Variants in NRXN3 observed in about 807,000 individuals in gnomAD.
NRXN3 encodes neurexin III.
In NRXN3, 32 loss-of-function variants were observed where a neutral mutation model predicts 137.6. That is an observed-to-expected ratio of 0.23 (90% confidence interval 0.18 to 0.31). The LOEUF (loss-of-function observed/expected upper bound fraction) is 0.31, where lower values mean the gene tolerates loss of function less well. Ranked by LOEUF, NRXN3 falls within the 10% of genes least tolerant of loss-of-function variation. The pLI, the probability that NRXN3 is intolerant of heterozygous loss-of-function variation, is 1.00. For synonymous variants in NRXN3, 798 were observed against 784.5 expected (o/e 1.02, Z -0.29); for missense variants, 1,574 against 2,062.5 (o/e 0.76, Z 4.59).
intron 10 of NRXN3, among the ~76,000 whole-genome samples, chr14:78,945,879 G>A (rs2099364169): frequency 6.6e-6 from 1 of 152,224 alleles, no homozygotes; most frequent in African/African-American, 2.4e-5. Context: ...GTGGCCAAGG[G>A]AAGAGAGCTA....
chr14:78,735,980 G>C (rs1047742133), intron 8 of NRXN3, among the ~76,000 whole-genome samples: 1 of 152,050 alleles, frequency 6.6e-6, no homozygotes, highest in Non-Finnish European at 1.5e-5. Context: ...TCCTTTATAT[G>C]GCCGTTTCCT....
At chr14:78,367,461 C>T (rs973107383) in intron 4 of NRXN3, among the ~76,000 whole-genome samples, 1 of 152,142 alleles carries the variant, frequency 6.6e-6, no homozygotes. Flanking sequence ...TGATAGTGAC[C>T]TTATTCTCAT....
At chr14:78,628,760 G>A (rs532349205) in intron 4 of NRXN3, among the ~76,000 whole-genome samples, 39 of 152,286 alleles carry the variant, frequency 2.6e-4, no homozygotes, top group African/African-American at 9.4e-4. Context: ...TGTCACCTTG[G>A]GAGAACCCTC....
intron 15 of NRXN3, among the ~76,000 whole-genome samples, chr14:79,041,090 AT>A (rs1399228961): frequency 1.3e-5 from 2 of 152,158 alleles, no homozygotes; most frequent in African/African-American, 4.8e-5. Flanking sequence ...AACAGTAAAA[AT>A]ACCTGAGTTC....
intron 15 of NRXN3, among the ~76,000 whole-genome samples, chr14:79,167,392 A>G (rs550249344): frequency 2.0e-4 from 31 of 151,800 alleles, no homozygotes; most frequent in African/African-American, 6.5e-4. Flanking sequence ...CTCCCCTTAT[A>G]CTCTATGTGT....
At chr14:79,290,075 C>T (rs1012316893) in intron 15 of NRXN3, among the ~76,000 whole-genome samples, 5 of 152,056 alleles carry the variant, frequency 3.3e-5, no homozygotes, top group African/African-American at 1.2e-4. Context: ...GTGACTTTCC[C>T]CCAAACTATG....
chr14:79,373,531 G>A (rs1213217675), intron 15 of NRXN3, among the ~76,000 whole-genome samples: 4 of 152,220 alleles, frequency 2.6e-5, no homozygotes, highest in African/African-American at 9.6e-5. Flanking sequence ...TTATTTTACT[G>A]TTTCATTTCT....
chr14:79,450,608 C>T (rs1248190372), intron 15 of NRXN3, among the ~76,000 whole-genome samples: 1 of 152,148 alleles, frequency 6.6e-6, no homozygotes, highest in Non-Finnish European at 1.5e-5. Flanking sequence ...TCTGTAATCC[C>T]AGCACTTTGG....
At chr14:79,224,810 A>G (rs746141462) in intron 15 of NRXN3, among the ~76,000 whole-genome samples, 2 of 152,218 alleles carry the variant, frequency 1.3e-5, no homozygotes, top group Non-Finnish European at 2.9e-5. Flanking sequence ...GAAGGCAGAA[A>G]TTGGAATTAC....
At chr14:79,807,810 T>G (rs1454336098) in intron 20 of NRXN3, among the ~76,000 whole-genome samples, 1 of 152,202 alleles carries the variant, frequency 6.6e-6, no homozygotes, top group Admixed American at 6.5e-5. Context: ...GAGCATTGCA[T>G]TTTTCTAATT....
intron 4 of NRXN3, among the ~76,000 whole-genome samples, chr14:78,412,523 G>T (rs1320203485): frequency 6.6e-6 from 1 of 152,132 alleles, no homozygotes; most frequent in African/African-American, 2.4e-5. Flanking sequence ...TGCCAGGTGA[G>T]TATTGGTTCA....
chr14:79,501,052 A>C (rs1601295496), intron 16 of NRXN3, among the ~76,000 whole-genome samples: 1 of 152,180 alleles, frequency 6.6e-6, no homozygotes, highest in Admixed American at 6.5e-5. Flanking sequence ...AAAATATGCC[A>C]CAGACCTACT....
chr14:79,747,296 A>T (rs2098982689), intron 19 of NRXN3, among the ~76,000 whole-genome samples: 1 of 152,084 alleles, frequency 6.6e-6, no homozygotes, highest in Non-Finnish European at 1.5e-5. Flanking sequence ...ATGAAGGATC[A>T]CTGAAGACTT....
chr14:79,454,016 C>A (rs761876974), intron 15 of NRXN3, among the ~76,000 whole-genome samples: 6 of 152,098 alleles, frequency 3.9e-5, no homozygotes, highest in Non-Finnish European at 8.8e-5. Context: ...TGTGCATTTT[C>A]CCACTGATCA....
chr14:79,286,006 T>G (rs899089322), intron 15 of NRXN3, among the ~76,000 whole-genome samples: 7 of 152,162 alleles, frequency 4.6e-5, no homozygotes, highest in African/African-American at 1.4e-4. Flanking sequence ...CATAAGATAG[T>G]GCCCTAAGAG....
chr14:79,613,895 CGCAGT>C (rs1567667093), intron 16 of NRXN3, among the ~76,000 whole-genome samples: 1 of 152,224 alleles, frequency 6.6e-6, no homozygotes, highest in African/African-American at 2.4e-5. Context: ...TCTACCACAC[CGCAGT>C]GCGGTTAATC....
At chr14:79,781,708 TG>T (rs1447115691) in intron 19 of NRXN3, among the ~76,000 whole-genome samples, 1 of 152,242 alleles carries the variant, frequency 6.6e-6, no homozygotes, top group African/African-American at 2.4e-5. Flanking sequence ...AACCTACTGT[TG>T]TGGAAGCAGC....
intron 16 of NRXN3, among the ~76,000 whole-genome samples, chr14:79,562,385 C>T (rs2097506378): frequency 6.6e-6 from 1 of 152,142 alleles, no homozygotes; most frequent in Non-Finnish European, 1.5e-5. Flanking sequence ...CCTGTCATGT[C>T]AAGCAGCATT....
intron 4 of NRXN3, among the ~76,000 whole-genome samples, chr14:78,569,716 C>A (rs890155818): frequency 4.6e-5 from 7 of 152,080 alleles, no homozygotes. Context: ...CCCGCCCCCA[C>A]ACCCAGCTAA....
Sources: allele counts gnomAD v4.1 joint callset (sites outside exome capture counted in the v4.1 genomes callset), GRCh38; gene constraint gnomAD v4.1.1; transcripts MANE v1.5; gene names NCBI Gene and HGNC (gene_info 2026-07-23, HGNC 2026-07-21).